Variants in PDGFD observed in about 807,000 individuals in gnomAD.
PDGFD encodes the protein platelet derived growth factor D.
Under a neutral mutation model 44.7 loss-of-function variants are expected in PDGFD, and 30 were observed. The ratio of observed to expected loss-of-function variants is 0.67; its 90% confidence interval spans 0.50 to 0.91. PDGFD has a LOEUF of 0.91. PDGFD is among the 40% of genes least tolerant of loss of function. The probability of loss-of-function intolerance (pLI) is 0.00; values close to 1 mark genes in which losing one functional copy is unlikely to be tolerated. For missense variants in PDGFD, 445 were observed against 457.8 expected, an observed-to-expected ratio of 0.97 and a Z score of 0.25; for synonymous variants, 173 against 168.4, an observed-to-expected ratio of 1.03 and a Z score of -0.21.
chr11:103,972,257 G>A (rs1021291), intron 3 of PDGFD, among the ~76,000 whole-genome samples: 3,206 of 152,100 alleles, frequency 0.021, 111 homozygotes, highest in African/African-American at 0.074. Flanking sequence ...CCTGTCCTCC[G>A]CCCACCAGAT....
intron 1 of PDGFD, among the ~76,000 whole-genome samples, chr11:104,041,703 C>T (rs1240075476): frequency 6.6e-6 from 1 of 152,148 alleles, no homozygotes; most frequent in Non-Finnish European, 1.5e-5. Context: ...GATTCTGCTG[C>T]AGTTAAACCA....
intron 5 of PDGFD, among the ~76,000 whole-genome samples, chr11:103,932,135 C>A (rs1048953058): frequency 6.6e-6 from 1 of 151,926 alleles, no homozygotes; most frequent in South Asian, 2.1e-4. Flanking sequence ...CTTCATAGAC[C>A]TTGTTTTGTT....
chr11:104,105,307 A>C (rs1177451931), intron 1 of PDGFD, among the ~76,000 whole-genome samples: 2 of 152,178 alleles, frequency 1.3e-5, no homozygotes, highest in Non-Finnish European at 2.9e-5. Context: ...TATAGTACAC[A>C]CAGTTCATTG....
chr11:104,098,333 T>C (rs1861315140), intron 1 of PDGFD, among the ~76,000 whole-genome samples: 1 of 152,048 alleles, frequency 6.6e-6, no homozygotes, highest in African/African-American at 2.4e-5. Flanking sequence ...CTTTCCAGAA[T>C]AGATGAAAGC....
At chr11:103,955,567 A>AG (rs1858830420) in intron 3 of PDGFD, among the ~76,000 whole-genome samples, 1 of 152,254 alleles carries the variant, frequency 6.6e-6, no homozygotes, top group African/African-American at 2.4e-5. Flanking sequence ...TCATCAAACT[A>AG]GCTCTTCTAC....
At chr11:103,915,479 T>C (rs1387624441) in intron 6 of PDGFD, among the ~76,000 whole-genome samples, 1 of 152,146 alleles carries the variant, frequency 6.6e-6, no homozygotes, top group African/African-American at 2.4e-5. Flanking sequence ...CATTCCATGC[T>C]CACAGATAGT....
intron 5 of PDGFD, among the ~76,000 whole-genome samples, chr11:103,931,730 G>A (rs561664891): frequency 1.3e-5 from 2 of 152,224 alleles, no homozygotes; most frequent in East Asian, 3.9e-4. Flanking sequence ...GGGACTACAG[G>A]TGTGTGCCAC....
intron 5 of PDGFD, 36 bp downstream of exon 5, chr11:103,943,416 G>A (rs763815504): frequency 1.9e-6 from 3 of 1,566,490 alleles, no homozygotes; most frequent in South Asian, 2.3e-5. Context: ...AGATTTCTAT[G>A]TGCTTATGAA....
chr11:104,070,065 A>G (rs1429751259), intron 1 of PDGFD, among the ~76,000 whole-genome samples: 1 of 152,146 alleles, frequency 6.6e-6, no homozygotes, highest in African/African-American at 2.4e-5. Context: ...TGTCCCCATC[A>G]TTCTTTGAAG....
At chr11:103,965,745 G>A (rs982276576) in intron 3 of PDGFD, among the ~76,000 whole-genome samples, 1 of 152,160 alleles carries the variant, frequency 6.6e-6, no homozygotes, top group African/African-American at 2.4e-5. Flanking sequence ...TTGCCCTTGA[G>A]AGGTCCTATC....
At chr11:104,124,688 T>C (rs2134466249) in intron 1 of PDGFD, among the ~76,000 whole-genome samples, 1 of 152,244 alleles carries the variant, frequency 6.6e-6, no homozygotes, top group South Asian at 2.1e-4. Context: ...TAATGAGCTT[T>C]TTAAAATATT....
chr11:104,101,459 G>T (rs970257005), intron 1 of PDGFD, among the ~76,000 whole-genome samples: 1 of 151,018 alleles, frequency 6.6e-6, no homozygotes, highest in East Asian at 1.9e-4. Context: ...AAGAGGATAT[G>T]AACAAATGGA....
At chr11:104,027,162 T>A (rs1860054582) in intron 1 of PDGFD, among the ~76,000 whole-genome samples, 2 of 152,216 alleles carry the variant, frequency 1.3e-5, no homozygotes, top group Admixed American at 1.3e-4. Flanking sequence ...AAAGGATGTA[T>A]TTATTCAACC....
intron 3 of PDGFD, among the ~76,000 whole-genome samples, chr11:103,971,024 T>C (rs1445651817): frequency 6.6e-6 from 1 of 152,180 alleles, no homozygotes; most frequent in Non-Finnish European, 1.5e-5. Flanking sequence ...AATGATTCAC[T>C]TGAGCTTTCC....
chr11:104,094,936 T>C (rs1227851161), intron 1 of PDGFD, among the ~76,000 whole-genome samples: 2 of 152,154 alleles, frequency 1.3e-5, no homozygotes, highest in African/African-American at 4.8e-5. Flanking sequence ...TGACCCCTGC[T>C]AGGTTTCCAA....
intron 1 of PDGFD, among the ~76,000 whole-genome samples, chr11:104,127,467 T>C (rs1186205531): frequency 1.3e-5 from 2 of 152,112 alleles, no homozygotes; most frequent in African/African-American, 4.8e-5. Flanking sequence ...GGAATTGTGC[T>C]GTGGGGAAAT....
intron 4 of PDGFD, among the ~76,000 whole-genome samples, chr11:103,944,288 T>C (rs985176020): frequency 6.6e-6 from 1 of 152,178 alleles, no homozygotes; most frequent in South Asian, 2.1e-4. Flanking sequence ...AGTTTGCTAG[T>C]GATCCCAGTT....
At chr11:104,144,303 T>A (rs1443738665) in intron 1 of PDGFD, among the ~76,000 whole-genome samples, 1 of 151,950 alleles carries the variant, frequency 6.6e-6, no homozygotes, top group Non-Finnish European at 1.5e-5. Context: ...GGTTAGGAGT[T>A]AGAGACTAGC....
At chr11:103,924,916 A>T (rs1385529830) in intron 6 of PDGFD, among the ~76,000 whole-genome samples, 1 of 152,098 alleles carries the variant, frequency 6.6e-6, no homozygotes, top group Non-Finnish European at 1.5e-5. Flanking sequence ...TGCACCCTTT[A>T]ACCCATCACC....
Sources: allele counts gnomAD v4.1 joint callset (sites outside exome capture counted in the v4.1 genomes callset), GRCh38; gene constraint gnomAD v4.1.1; transcripts MANE v1.5; gene names NCBI Gene and HGNC (gene_info 2026-07-23, HGNC 2026-07-21).